The following SYNPR variants were observed in gnomAD, a reference collection of about 807,000 sequenced individuals.
SYNPR encodes synaptoporin.
In SYNPR, 23 loss-of-function variants were observed where a neutral mutation model predicts 32.9. The ratio of observed to expected loss-of-function variants is 0.70; its 90% confidence interval spans 0.50 to 0.99. The LOEUF is 0.99. SYNPR is among the 50% of genes least tolerant of loss of function. The probability of loss-of-function intolerance (pLI) is 0.00; values close to 1 mark genes in which losing one functional copy is unlikely to be tolerated. For synonymous variants in SYNPR, 146 were observed against 135.9 expected (o/e 1.07, Z -0.52); for missense variants, 318 against 349.3 (o/e 0.91, Z 0.71).
At chr3:63,607,865 A>T (rs557471209) in intron 4 of SYNPR, among the ~76,000 whole-genome samples, 2 of 149,238 alleles carry the variant, frequency 1.3e-5, no homozygotes, top group Admixed American at 1.3e-4. Flanking sequence ...CGTGATGAAA[A>T]GTAATTCAGC....
chr3:63,514,449 C>A lies in SYNPR; in HGVS notation c.209+33493C>A, dbSNP rs960452513. On this transcript the variant is annotated intron_variant, in intron 3 of 5. Coordinates refer to ENST00000478300, the MANE Select transcript of SYNPR (RefSeq NM_001130003.2). ...GTCCCTGCTGGATCATAGCATAGAT[C>A]CCATCTCTGGCTTTTGGCTCTTCAG... Among the ~76,000 whole-genome samples, 38 of 152,174 alleles carry A rather than the reference C, an allele frequency of 2.5e-4. 1 individual carries two copies. The highest frequency in any genetic ancestry group is 8.7e-4 in the African/African-American group (36 of 41,446).
At chr3:63,355,113 T>C (rs527910831) in intron 2 of SYNPR, among the ~76,000 whole-genome samples, 5 of 152,146 alleles carry the variant, frequency 3.3e-5, no homozygotes, top group Non-Finnish European at 7.4e-5. Context: ...ACCCCGTCTC[T>C]ACTAAAAATA....
At chr3:63,376,020 G>C (rs1426982390) in intron 2 of SYNPR, among the ~76,000 whole-genome samples, 1 of 152,052 alleles carries the variant, frequency 6.6e-6, no homozygotes, top group Non-Finnish European at 1.5e-5. Context: ...CCAAACCTAG[G>C]AGTCAGCCTT....
chr3:63,277,506 T>C (rs1046804285), upstream of SYNPR, among the ~76,000 whole-genome samples: 2 of 152,184 alleles, frequency 1.3e-5, no homozygotes, highest in Non-Finnish European at 2.9e-5. Flanking sequence ...GGGTCAGATA[T>C]CAGGCAAAAG....
chr3:63,403,189 T>G (rs181678657), intron 2 of SYNPR, among the ~76,000 whole-genome samples: 1 of 152,268 alleles, frequency 6.6e-6, no homozygotes, highest in African/African-American at 2.4e-5. Context: ...CCATATAACA[T>G]GCTCTGGCTG....
chr3:63,339,688 C>T (rs1224040220), intron 2 of SYNPR, among the ~76,000 whole-genome samples: 1 of 147,700 alleles, frequency 6.8e-6, no homozygotes, highest in Admixed American at 6.8e-5. Flanking sequence ...GATGGAGTTT[C>T]GCTCTGTCAC....
At chr3:63,569,639 A>G (rs984795146) in intron 4 of SYNPR, among the ~76,000 whole-genome samples, 1 of 152,262 alleles carries the variant, frequency 6.6e-6, no homozygotes, top group African/African-American at 2.4e-5. Context: ...AATCCCCAAG[A>G]CAGGCATGAA....
intron 2 of SYNPR, among the ~76,000 whole-genome samples, chr3:63,464,451 C>T (rs905916691): frequency 5.3e-5 from 8 of 152,124 alleles, no homozygotes; most frequent in Admixed American, 6.6e-5. Context: ...TCACCTCTTC[C>T]GAAGGTATTC....
At chr3:63,511,965 C>T (rs1701706583) in intron 3 of SYNPR, among the ~76,000 whole-genome samples, 1 of 152,080 alleles carries the variant, frequency 6.6e-6, no homozygotes, top group South Asian at 2.1e-4. Flanking sequence ...CCCATACCAG[C>T]CACCCTAATT....
chr3:63,602,544 A>G (rs1264393506), intron 4 of SYNPR, among the ~76,000 whole-genome samples: 1 of 152,190 alleles, frequency 6.6e-6, no homozygotes. Flanking sequence ...AAAAGGGTCC[A>G]GTTTTAATCT....
At chr3:63,526,399 G>C (rs1270261895) in intron 3 of SYNPR, among the ~76,000 whole-genome samples, 1 of 152,134 alleles carries the variant, frequency 6.6e-6, no homozygotes, top group Non-Finnish European at 1.5e-5. Context: ...TCCTCTTACA[G>C]CATAAGACCA....
chr3:63,314,035 CCA>C (rs2087012978), intron 2 of SYNPR, among the ~76,000 whole-genome samples: 3 of 22,066 alleles, frequency 1.4e-4, no homozygotes, highest in African/African-American at 4.9e-4. Context: ...ATATATATAT[CCA>C]TATATATATA....
upstream of SYNPR, among the ~76,000 whole-genome samples, chr3:63,274,895 C>T (rs534270082): frequency 2.9e-4 from 44 of 152,218 alleles, no homozygotes; most frequent in African/African-American, 8.9e-4. Flanking sequence ...TTTCCAGTGG[C>T]GGGAAGGGCC....
At chr3:63,246,874 C>A (rs2086295651) in intron 1 of SYNPR, among the ~76,000 whole-genome samples, 4 of 151,872 alleles carry the variant, frequency 2.6e-5, no homozygotes, top group Admixed American at 2.0e-4. Flanking sequence ...TATTTTATCA[C>A]CTACACAATA....
intron 3 of SYNPR, among the ~76,000 whole-genome samples, chr3:63,531,383 C>A (rs1299083565): frequency 6.6e-6 from 1 of 152,022 alleles, no homozygotes; most frequent in Admixed American, 6.6e-5. Context: ...TCAGAGATTC[C>A]AGCAATCTCT....
At chr3:63,441,581 C>CT (rs1373172599) in intron 2 of SYNPR, among the ~76,000 whole-genome samples, 9 of 152,234 alleles carry the variant, frequency 5.9e-5, no homozygotes, top group East Asian at 1.9e-4. Flanking sequence ...GATTCTAAGG[C>CT]TTTTTTTCCC....
the SYNPR span, among the ~76,000 whole-genome samples, chr3:63,208,919 T>C: frequency 6.6e-6 from 1 of 152,204 alleles, no homozygotes; most frequent in African/African-American, 2.4e-5. Context: ...CCTCAAAGGT[T>C]TGACTATAGA....
Position 63,313,705 on chromosome 3 carries a change from ATATATATATAT to A in SYNPR, c.84+34964_84+34974del, listed in dbSNP as rs1485789580. On this transcript the variant is annotated intron_variant, in intron 2 of 5. Transcript: ENST00000478300. ...CATATATATCCATATATATATATCC[ATATATATATAT>A]CCATATATATATATCCATATATATA... 4.8e-4 allele frequency among the ~76,000 whole-genome samples: 15 copies of A among 31,400 alleles called. 3 individuals are homozygous for A. Among genetic ancestry groups the A allele is most frequent in the African/African-American group, 1.9e-3 (15 of 7,882 alleles). 20.6% of individuals were successfully genotyped at this position (31,400 alleles called of 152,430 possible). A position where few individuals can be genotyped will look rare whatever the true frequency, so the allele number is the denominator to read the frequency against.
intron 2 of SYNPR, among the ~76,000 whole-genome samples, chr3:63,467,490 C>T (rs1700705562): frequency 6.6e-6 from 1 of 152,186 alleles, no homozygotes; most frequent in Non-Finnish European, 1.5e-5. Flanking sequence ...GGATAAATCA[C>T]TTAATCCCTC....
Sources: allele counts gnomAD v4.1 joint callset (sites outside exome capture counted in the v4.1 genomes callset), GRCh38; gene constraint gnomAD v4.1.1; transcripts MANE v1.5; gene names NCBI Gene and HGNC (gene_info 2026-07-23, HGNC 2026-07-21).